The following CEP85L variants were observed in gnomAD, a reference collection of about 807,000 sequenced individuals.
CEP85L encodes the protein centrosomal protein 85L.
CEP85L carries 60 observed loss-of-function variants against 100.3 expected under a neutral mutation model. That is an observed-to-expected ratio of 0.60 (90% CI 0.49 to 0.74). The LOEUF (loss-of-function observed/expected upper bound fraction) is 0.74. Among genes scored for constraint, CEP85L ranks in the 30% least tolerant of loss-of-function variants. The pLI is 0.00. For missense variants in CEP85L, 973 were observed against 936.2 expected, an observed-to-expected ratio of 1.04 and a Z score of -0.51; for synonymous variants, 319 against 322.7, an observed-to-expected ratio of 0.99 and a Z score of 0.12.
At chr6:118,558,791 T>G in intron 3 of CEP85L, 4 of 719,920 alleles carry the variant, frequency 5.6e-6, no homozygotes, top group South Asian at 4.5e-5. Flanking sequence ...GTTACATAGA[T>G]GATTCTAATC....
chr6:118,632,408 C>A, intron 2 of CEP85L, 45 bp downstream of exon 2: 2 of 1,452,210 alleles, frequency 1.4e-6, no homozygotes, highest in African/African-American at 1.4e-5. Context: ...GTACCACAAC[C>A]ACTCTTCAAA....
chr6:118,554,574 T>A (rs904232331), intron 3 of CEP85L, among the ~76,000 whole-genome samples: 1 of 152,210 alleles, frequency 6.6e-6, no homozygotes, highest in Non-Finnish European at 1.5e-5. Flanking sequence ...AAACACACAG[T>A]TTCTTTACTT....
At chr6:118,551,444 C>A (rs1375745166) in intron 3 of CEP85L, among the ~76,000 whole-genome samples, 1 of 151,856 alleles carries the variant, frequency 6.6e-6, no homozygotes, top group African/African-American at 2.4e-5. Context: ...TTCTCTTCCC[C>A]CAGAAAAGAT....
chr6:118,498,024 A>G (rs1775029854), intron 5 of CEP85L, among the ~76,000 whole-genome samples: 1 of 152,224 alleles, frequency 6.6e-6, no homozygotes. Context: ...GTATTTTGCT[A>G]TTATATGGTA....
chr6:118,674,950 C>T (rs1218142657), intron 1 of CEP85L, among the ~76,000 whole-genome samples: 1 of 152,216 alleles, frequency 6.6e-6, no homozygotes, highest in African/African-American at 2.4e-5. Flanking sequence ...CTTAGCAATT[C>T]TACTCCCAGG....
chr6:118,686,709 C>T (rs1388792935), intron 1 of CEP85L, among the ~76,000 whole-genome samples: 4 of 152,128 alleles, frequency 2.6e-5, no homozygotes, highest in East Asian at 3.9e-4. Context: ...TGGACACCTA[C>T]GTGCATTTCA....
chr6:118,497,693 T>C (rs1438358868), intron 5 of CEP85L, among the ~76,000 whole-genome samples: 5 of 152,092 alleles, frequency 3.3e-5, no homozygotes, highest in East Asian at 3.9e-4. Context: ...CAGACAAAAA[T>C]TGAAGGATTT....
intron 6 of CEP85L, 96 bp from the exon 7 acceptor site, chr6:118,483,954 A>C: frequency 2.7e-6 from 3 of 1,116,330 alleles, no homozygotes; most frequent in Non-Finnish European, 3.8e-6. Context: ...GAATTCACCA[A>C]CAGTTTCAGG....
chr6:118,657,712 G>C (rs1235221292), intron 1 of CEP85L, among the ~76,000 whole-genome samples: 1 of 148,364 alleles, frequency 6.7e-6, no homozygotes, highest in Admixed American at 6.7e-5. Context: ...CTTCTGACTG[G>C]ACTGGGCCAG....
intron 1 of CEP85L, among the ~76,000 whole-genome samples, chr6:118,643,570 T>C (rs553587501): frequency 6.6e-5 from 10 of 152,210 alleles, no homozygotes; most frequent in African/African-American, 9.6e-5. Flanking sequence ...TAGAAAGGCA[T>C]ACAACAGTTT....
intron 1 of CEP85L, among the ~76,000 whole-genome samples, chr6:118,635,097 T>C (rs780363101): frequency 3.3e-5 from 5 of 152,202 alleles, no homozygotes; most frequent in Non-Finnish European, 7.4e-5. Context: ...GAAAGTGGTA[T>C]CTAAATGTCA....
intron 1 of CEP85L, among the ~76,000 whole-genome samples, chr6:118,698,309 T>C (rs1777280367): frequency 6.6e-6 from 1 of 152,230 alleles, no homozygotes; most frequent in African/African-American, 2.4e-5. Flanking sequence ...TTATTTCTAC[T>C]TTCTGGCATG....
Position 118,469,067 on chromosome 6 carries a change from C to T in CEP85L, c.2254+5G>A. 1 of 1,597,884 alleles carries T rather than the reference C, an allele frequency of 6.3e-7. No individual in the cohort carries two copies. Among genetic ancestry groups the T allele is most frequent in the East Asian group, 2.2e-5 (1 of 44,746 alleles). On this transcript the variant is annotated splice_donor_5th_base_variant and intron_variant, in intron 12 of 12. Transcript: ENST00000368491. The stretch of plus-strand genomic sequence containing the variant: ...CAAAATAAGGACAAGTCATCAGACA[C>T]TTACATCTTATTCCCAGTAATAATG...
intron 1 of CEP85L, among the ~76,000 whole-genome samples, chr6:118,686,478 G>A (rs963730067): frequency 2.0e-5 from 3 of 152,186 alleles, no homozygotes; most frequent in East Asian, 1.9e-4. Context: ...GCAATGTGTG[G>A]TCTTCTGTGT....
At chr6:118,544,053 C>A (rs1778058474) in intron 3 of CEP85L, among the ~76,000 whole-genome samples, 1 of 152,256 alleles carries the variant, frequency 6.6e-6, no homozygotes, top group South Asian at 2.1e-4. Flanking sequence ...AATTTTGTAT[C>A]AAAATCAGTG....
In CEP85L at chr6:118,463,067, T is replaced by C. The variant is rs946249058; in HGVS notation, c.*2338A>G. Reference sequence around the variant, plus strand: ...AAACTGAAATGCATCAGCAGTAGTTTTGTTAACTTCCTACTAAGTCAGAAA... The same window carrying C: ...AAACTGAAATGCATCAGCAGTAGTTCTGTTAACTTCCTACTAAGTCAGAAA... On this transcript the variant is annotated 3_prime_UTR_variant, in exon 13 of 13. Coordinates refer to ENST00000368491, the MANE Select transcript of CEP85L (RefSeq NM_001042475.3). 1 of 151,948 alleles carries C rather than the reference T, an allele frequency of 6.6e-6. No individual in the cohort carries two copies. Among genetic ancestry groups the C allele is most frequent in the Non-Finnish European group, 1.5e-5 (1 of 67,864 alleles). 9.4% of individuals were successfully genotyped at this position (151,948 alleles called of 1,614,324 possible).
upstream of CEP85L, chr6:118,651,815 C>A (rs1395936103): frequency 1.0e-6 from 1 of 985,476 alleles, no homozygotes; most frequent in African/African-American, 1.7e-5. Context: ...TCCCGCCCTG[C>A]GAGTTGAGTA....
At chr6:118,574,319 G>A (rs1055519297) in intron 2 of CEP85L, among the ~76,000 whole-genome samples, 1 of 152,174 alleles carries the variant, frequency 6.6e-6, no homozygotes, top group Admixed American at 6.5e-5. Flanking sequence ...GGTTTGGTCC[G>A]ACCCCAGCCA....
chr6:118,650,779 C>T (rs1044617584), intron 1 of CEP85L, among the ~76,000 whole-genome samples: 1 of 152,216 alleles, frequency 6.6e-6, no homozygotes, highest in Non-Finnish European at 1.5e-5. Flanking sequence ...CTCCGAGACG[C>T]GCCCGGGCCG....
Sources: gnomAD v4.1 joint callset for allele counts (sites outside exome capture counted in the v4.1 genomes callset) on GRCh38, gnomAD v4.1.1 for gene constraint, MANE v1.5 for transcripts, NCBI Gene and HGNC (gene_info 2026-07-23, HGNC 2026-07-21) for gene names.